MRC2: variants seen among roughly 807,000 people sequenced by gnomAD.
MRC2 encodes mannose receptor C-type 2.
Under a neutral mutation model 206.2 loss-of-function variants are expected in MRC2, and 84 were observed. The observed-to-expected ratio is 0.41, with a 90% CI of 0.34 to 0.49. The LOEUF is 0.49. MRC2 is among the 20% of genes least tolerant of loss of function. MRC2 has a pLI of 0.31. For synonymous variants in MRC2, 798 were observed against 800.0 expected, an observed-to-expected ratio of 1.00 and a Z score of 0.04; for missense variants, 1,676 against 2,001.5, an observed-to-expected ratio of 0.84 and a Z score of 3.10.
chr17:62,635,395 C>G (rs1325316687), intron 1 of MRC2, among the ~76,000 whole-genome samples: 1 of 152,110 alleles, frequency 6.6e-6, no homozygotes. Context: ...TCACCTTCCT[C>G]TTCATCCTTA....
intron 1 of MRC2, among the ~76,000 whole-genome samples, chr17:62,656,196 G>A (rs940335330): frequency 6.6e-6 from 1 of 152,084 alleles, no homozygotes; most frequent in Non-Finnish European, 1.5e-5. Context: ...ACAGGTGTGC[G>A]CCACCATGCC....
At chr17:62,659,558 A>T (rs1183849809) in intron 1 of MRC2, among the ~76,000 whole-genome samples, 1 of 152,098 alleles carries the variant, frequency 6.6e-6, no homozygotes, top group Non-Finnish European at 1.5e-5. Flanking sequence ...AAAAAAAAAA[A>T]AAGCTTTCAG....
At chr17:62,690,563 A>G (rs891100341) in intron 26 of MRC2, 79 bp from the exon 27 acceptor site, 11 of 1,514,380 alleles carry the variant, frequency 7.3e-6, no homozygotes, top group Non-Finnish European at 8.8e-6. Context: ...GCTGCAGAGA[A>G]GAGGGCTGGA....
At chr17:62,629,037 G>A (rs1446401989) in intron 1 of MRC2, among the ~76,000 whole-genome samples, 1 of 152,208 alleles carries the variant, frequency 6.6e-6, no homozygotes, top group African/African-American at 2.4e-5. Context: ...AGATGGGAAA[G>A]GTGGGGGCCA....
intron 1 of MRC2, among the ~76,000 whole-genome samples, chr17:62,655,754 A>G (rs201130350): frequency 6.6e-6 from 1 of 152,016 alleles, no homozygotes; most frequent in African/African-American, 2.4e-5. Flanking sequence ...AGAAAAGAAA[A>G]AAAGAAAGAA....
At position 62,666,335 on chromosome 17, in the gene MRC2, C is replaced by G; in HGVS notation, c.694+68C>G. On this transcript the variant is annotated intron_variant, in intron 3 of 29. Transcript: ENST00000303375. This position sits in a 1 kb window ranked among gnomAD's most constrained non-coding sequence, Gnocchi z 5.0. ...GAGGGAGGCTGGTGCTGAGGGGCCC[C>G]GGGGCCCAGGGTGAGATACTGCCCC... is the stretch of plus-strand genomic sequence containing the variant. 6.4e-7 allele frequency: 1 copy of G among 1,558,754 alleles called. No homozygotes were observed. The highest frequency in any genetic ancestry group is 8.6e-7 in the Non-Finnish European group (1 of 1,156,146).
intron 1 of MRC2, among the ~76,000 whole-genome samples, chr17:62,632,499 CA>C (rs748625355): frequency 6.6e-6 from 1 of 152,152 alleles, no homozygotes; most frequent in Non-Finnish European, 1.5e-5. Context: ...GAAGAAGGAC[CA>C]ACTTCTTCCT....
rs759083876 is a variant in MRC2 at position 62,692,244 on chromosome 17, C to T, written c.4233C>T (p.Asn1411=). The T allele has an allele frequency of 6.2e-7, 1 of 1,610,438 alleles. No homozygotes were observed. Among genetic ancestry groups the T allele is most frequent in the South Asian group, 1.1e-5 (1 of 90,578 alleles). The change falls in exon 30 of 30, where the codon AAC becomes AAT. Residue 1411 remains asparagine, a synonymous_variant. Transcript: ENST00000303375. The surrounding 1 kb of genome is among the most constrained non-coding windows in gnomAD (Gnocchi z 4.2). ...TCGCCTTGGCAGCGCTTCCAGAGAACCCAGCGGCCCTGGTGGTGGTGCTGA... is the reference window on the plus strand; with the variant it reads ...TCGCCTTGGCAGCGCTTCCAGAGAATCCAGCGGCCCTGGTGGTGGTGCTGA... The part of the protein sequence containing the change: ...SSFSPSALPE[N]PAALVVVLMA...
In MRC2 at chr17:62,664,570, C is replaced by T. The variant is rs752617408; in HGVS notation, c.141C>T (p.Phe47=). The T allele has an allele frequency of 1.2e-6, 2 of 1,612,006 alleles. No individual in the cohort carries two copies. The highest frequency in any genetic ancestry group is 1.7e-6 in the Non-Finnish European group (2 of 1,179,144). Residue 47 remains phenylalanine (F), a synonymous_variant, in exon 2 of 30, where the codon TTC becomes TTT. Coordinates refer to ENST00000303375, the MANE Select transcript of MRC2 (RefSeq NM_006039.5). This position sits in a 1 kb window ranked among gnomAD's most constrained non-coding sequence, Gnocchi z 4.7. ...ALPEPNVFLI[F]SHGLQGCLEA... ...CAGAACCCAACGTCTTCCTCATCTT[C>T]AGCCATGGACTGCAGGGCTGCCTGG...
intron 1 of MRC2, among the ~76,000 whole-genome samples, chr17:62,632,299 T>G (rs920512470): frequency 3.9e-5 from 6 of 152,046 alleles, no homozygotes; most frequent in African/African-American, 1.5e-4. Flanking sequence ...TTCCACCGGT[T>G]GTTTCCCTTC....
rs1287688755 is a variant in MRC2, at chr17:62,691,529, G to A, written c.4192+401G>A. ...TCATGCCTGTAATCCCAGCACTTTG[G>A]GAGGCTGAGGTGGGCGGATCACTTG... is the stretch of plus-strand genomic sequence containing the variant. On this transcript the variant is annotated intron_variant, in intron 28 of 29. Coordinates refer to ENST00000303375, the MANE Select transcript of MRC2 (RefSeq NM_006039.5). 2.6e-5 allele frequency among the ~76,000 whole-genome samples: 4 copies of A among 152,082 alleles called. No individual in the cohort carries two copies. The East Asian group carries it at 7.7e-4, about 29-fold the overall frequency.
Position 62,680,797 on chromosome 17 carries a change from C to T in MRC2, c.2474-3C>T, listed in dbSNP as rs535245170. 1.2e-6 allele frequency: 2 copies of T among 1,606,696 alleles called. No individual in the cohort carries two copies. The highest frequency in any genetic ancestry group is 2.2e-5 in the South Asian group (2 of 90,162). ...CGCTCCCACGCCCGCGCTGCTCCTG[C>T]AGGCCGACGGGAATGGCTGCGCTTC... On this transcript the variant is annotated splice_region_variant and splice_polypyrimidine_tract_variant and intron_variant, in intron 16 of 29. Transcript: ENST00000303375. This position sits in a 1 kb window ranked among gnomAD's most constrained non-coding sequence, Gnocchi z 4.8.
At position 62,680,137 on chromosome 17, in the gene MRC2, C is replaced by A; in HGVS notation, c.2299-33C>A. On this transcript the variant is annotated intron_variant, in intron 14 of 29. Coordinates refer to ENST00000303375, the MANE Select transcript of MRC2 (RefSeq NM_006039.5). The surrounding 1 kb of genome is among the most constrained non-coding windows in gnomAD (Gnocchi z 4.8). ...TGGGGGCGGCCTGCACCTTGCGCCT[C>A]ACGTTCCTCTTCCCTCCACCCGCCT... 1 of 1,613,500 alleles carries A rather than the reference C, an allele frequency of 6.2e-7. No individual in the cohort carries two copies. Among genetic ancestry groups the A allele is most frequent in the Non-Finnish European group, 8.5e-7 (1 of 1,179,706 alleles).
chr17:62,638,380 T>C (rs181222526), intron 1 of MRC2, among the ~76,000 whole-genome samples: 3 of 152,194 alleles, frequency 2.0e-5, no homozygotes, highest in South Asian at 2.1e-4. Flanking sequence ...TAAACTGTTA[T>C]AAGAAAATAA....
intron 1 of MRC2, among the ~76,000 whole-genome samples, chr17:62,660,054 G>T (rs1394957420): frequency 6.6e-6 from 1 of 152,202 alleles, no homozygotes; most frequent in Non-Finnish European, 1.5e-5. Context: ...AGTAGCTTGT[G>T]TCAGTCTAAC....
chr17:62,678,044 C>T (rs1477020414), intron 12 of MRC2, among the ~76,000 whole-genome samples: 5 of 152,130 alleles, frequency 3.3e-5, no homozygotes, highest in South Asian at 2.1e-4. Flanking sequence ...AGCGAGACTC[C>T]GTCTCAAAAA....
intron 1 of MRC2, among the ~76,000 whole-genome samples, chr17:62,644,265 A>C (rs898784985): frequency 3.3e-5 from 5 of 152,042 alleles, no homozygotes; most frequent in African/African-American, 1.2e-4. Context: ...CTAAAAATAC[A>C]AAAATTAGCA....
intron 1 of MRC2, among the ~76,000 whole-genome samples, chr17:62,656,131 C>T (rs985575065): frequency 2.0e-5 from 3 of 152,154 alleles, no homozygotes; most frequent in African/African-American, 7.2e-5. Context: ...ACTGCAACCT[C>T]CGCCTCCTGG....
chr17:62,663,987 T>A, intron 1 of MRC2, among the ~76,000 whole-genome samples: 1 of 127,508 alleles, frequency 7.8e-6, no homozygotes, highest in African/African-American at 3.2e-5. Flanking sequence ...TGAGACGGAG[T>A]CTCGCTCTGT....
Sources: allele counts gnomAD v4.1 joint callset (sites outside exome capture counted in the v4.1 genomes callset), GRCh38; gene constraint gnomAD v4.1.1; non-coding constraint Gnocchi (gnomAD v3.1); transcripts MANE v1.5; gene names NCBI Gene and HGNC (gene_info 2026-07-23, HGNC 2026-07-21).